PRKACB: variants seen among roughly 807,000 people sequenced by gnomAD.
PRKACB encodes protein kinase cAMP-activated catalytic subunit beta.
Under a neutral mutation model 51.4 loss-of-function variants are expected in PRKACB, and 16 were observed. The ratio of observed to expected loss-of-function variants is 0.31; its 90% CI spans 0.21 to 0.47. The LOEUF (loss-of-function observed/expected upper bound fraction) is 0.47, where lower values mean the gene tolerates loss of function less well. Among genes scored for constraint, PRKACB ranks in the 20% least tolerant of loss-of-function variants. The pLI is 1.00. For missense variants in PRKACB, 309 were observed against 464.5 expected (o/e 0.67, Z 3.08); for synonymous variants, 147 against 154.4 (o/e 0.95, Z 0.35).
At chr1:84,139,577 C>G (rs1653175884), upstream of PRKACB, among the ~76,000 whole-genome samples, 1 of 152,162 alleles carries the variant, frequency 6.6e-6, no homozygotes, top group East Asian at 1.9e-4. Flanking sequence ...ATTCAAAAGA[C>G]CCAAGTAAAT....
chr1:84,177,593 T>C (rs1661735317), intron 1 of PRKACB, among the ~76,000 whole-genome samples: 1 of 151,878 alleles, frequency 6.6e-6, no homozygotes, highest in African/African-American at 2.4e-5. Flanking sequence ...AGTAAGAAAA[T>C]TAGCCAGACT....
intron 1 of PRKACB, among the ~76,000 whole-genome samples, chr1:84,107,644 A>G (rs1363075449): frequency 6.6e-6 from 1 of 152,176 alleles, no homozygotes; most frequent in African/African-American, 2.4e-5. Flanking sequence ...TGTACAAACA[A>G]AAAGCAAACA....
chr1:84,231,686 T>C (rs1301186509), intron 9 of PRKACB, among the ~76,000 whole-genome samples: 1 of 152,188 alleles, frequency 6.6e-6, no homozygotes, highest in Non-Finnish European at 1.5e-5. Context: ...CCATTTCTTC[T>C]AGATTTTCTA....
At chr1:84,124,067 TA>T (rs948221022) in intron 1 of PRKACB, among the ~76,000 whole-genome samples, 7 of 152,162 alleles carry the variant, frequency 4.6e-5, no homozygotes, top group African/African-American at 1.7e-4. Flanking sequence ...AGCTATCTCA[TA>T]AAAAAGCTAT....
At chr1:84,146,865 A>G (rs907478301) in intron 1 of PRKACB, among the ~76,000 whole-genome samples, 8 of 152,034 alleles carry the variant, frequency 5.3e-5, no homozygotes, top group African/African-American at 1.7e-4. Flanking sequence ...ATCTTTTACT[A>G]TTAAACTAAG....
At chr1:84,161,667 TATC>T (rs1379346868) in intron 1 of PRKACB, among the ~76,000 whole-genome samples, 1 of 151,910 alleles carries the variant, frequency 6.6e-6, no homozygotes, top group Non-Finnish European at 1.5e-5. Flanking sequence ...TAATTTATCT[TATC>T]ATAGTTTACT....
At chr1:84,078,424 C>G (rs1647258026) in intron 1 of PRKACB, 5 of 1,589,314 alleles carry the variant, frequency 3.1e-6, no homozygotes, top group Non-Finnish European at 4.3e-6. Flanking sequence ...CGCGGGGCAC[C>G]GAGCGCCCTC....
upstream of PRKACB, among the ~76,000 whole-genome samples, chr1:84,142,398 T>G (rs1430730587): frequency 1.3e-5 from 2 of 152,176 alleles, no homozygotes; most frequent in Non-Finnish European, 2.9e-5. Context: ...TATCCACTTC[T>G]TCCCTTACAG....
intron 7 of PRKACB, among the ~76,000 whole-genome samples, chr1:84,200,242 A>G (rs1669692319): frequency 6.6e-6 from 1 of 152,068 alleles, no homozygotes; most frequent in Non-Finnish European, 1.5e-5. Context: ...GATCGGTGAT[A>G]TTGAGCATTT....
intron 8 of PRKACB, among the ~76,000 whole-genome samples, chr1:84,208,910 G>T (rs1334013245): frequency 6.6e-6 from 1 of 152,160 alleles, no homozygotes; most frequent in South Asian, 2.1e-4. Flanking sequence ...TGGAACCCAG[G>T]AATTCTTTCT....
intron 8 of PRKACB, among the ~76,000 whole-genome samples, chr1:84,209,471 A>G (rs1233281360): frequency 6.6e-6 from 1 of 152,070 alleles, no homozygotes; most frequent in Non-Finnish European, 1.5e-5. Flanking sequence ...CTCACTTCAT[A>G]TCTAATGCAC....
intron 5 of PRKACB, among the ~76,000 whole-genome samples, chr1:84,186,969 C>T (rs114382161): frequency 7.6e-4 from 116 of 152,180 alleles, no homozygotes; most frequent in African/African-American, 2.6e-3. Context: ...ATTAGATAGG[C>T]ACTAAGAACA....
chr1:84,103,753 A>T (rs190445643), intron 1 of PRKACB, among the ~76,000 whole-genome samples: 67 of 152,340 alleles, frequency 4.4e-4, no homozygotes, highest in Non-Finnish European at 8.5e-4. Flanking sequence ...CATAACACAG[A>T]TAACTGAAAC....
chr1:84,162,286 A>G (rs1053663604), intron 1 of PRKACB, among the ~76,000 whole-genome samples: 2 of 150,730 alleles, frequency 1.3e-5, no homozygotes, highest in Non-Finnish European at 3.0e-5. Flanking sequence ...GTTTTATTCT[A>G]GTTGGCATTG....
At chr1:84,196,852 A>G (rs1185964851) in intron 6 of PRKACB, 110 bp downstream of exon 6, 2 of 1,202,648 alleles carry the variant, frequency 1.7e-6, no homozygotes, top group Admixed American at 4.9e-5. Flanking sequence ...CTTTCTCCTA[A>G]TAGTTTAAGT....
intron 9 of PRKACB, among the ~76,000 whole-genome samples, chr1:84,233,520 G>C (rs1456224072): frequency 8.2e-6 from 1 of 122,058 alleles, no homozygotes; most frequent in Non-Finnish European, 1.7e-5. Context: ...TTCCAACTTG[G>C]TTCCATTCTC....
chr1:84,157,183 T>G (rs77977524), intron 1 of PRKACB, among the ~76,000 whole-genome samples: 2,320 of 152,294 alleles, frequency 0.015, 30 homozygotes, highest in Admixed American at 0.022. Context: ...CTTCTTTACT[T>G]TAATTATCTC....
chr1:84,079,515 C>T (rs886595679), intron 1 of PRKACB, among the ~76,000 whole-genome samples: 2 of 152,088 alleles, frequency 1.3e-5, no homozygotes, highest in Non-Finnish European at 2.9e-5. Flanking sequence ...ATAAATATAT[C>T]AGATTATGTG....
intron 8 of PRKACB, among the ~76,000 whole-genome samples, chr1:84,211,140 C>T (rs912851855): frequency 3.9e-5 from 6 of 152,008 alleles, no homozygotes; most frequent in African/African-American, 1.4e-4. Context: ...CACACACACA[C>T]ACACACACAC....
Sources: allele counts gnomAD v4.1 joint callset (sites outside exome capture counted in the v4.1 genomes callset), GRCh38; gene constraint gnomAD v4.1.1; transcripts MANE v1.5; gene names NCBI Gene and HGNC (gene_info 2026-07-23, HGNC 2026-07-21).